The following CNGB1 variants were observed in gnomAD, a reference collection of about 807,000 sequenced individuals.
The protein encoded by CNGB1 is cyclic nucleotide gated channel subunit beta 1, also known as cyclic nucleotide-gated channel beta-1.
In CNGB1, 126 loss-of-function variants were observed where a neutral mutation model predicts 151.7. The observed-to-expected ratio is 0.83, with a 90% CI of 0.72 to 0.96. CNGB1 has a LOEUF of 0.96. Ranked by LOEUF, CNGB1 falls within the 40% of genes least tolerant of loss-of-function variation. The pLI, the probability that CNGB1 is intolerant of heterozygous loss-of-function variation, is 0.00. For synonymous variants in CNGB1, 623 were observed against 635.1 expected, an observed-to-expected ratio of 0.98 and a Z score of 0.29; for missense variants, 1,698 against 1,627.0, an observed-to-expected ratio of 1.04 and a Z score of -0.75.
intron 14 of CNGB1, among the ~76,000 whole-genome samples, chr16:57,948,660 C>A (rs1342286753): frequency 1.3e-5 from 2 of 152,144 alleles, no homozygotes; most frequent in African/African-American, 4.8e-5. Context: ...TGCCCAGAAT[C>A]CCAATGTCAC....
At chr16:57,916,823 C>T (rs530626640) in intron 21 of CNGB1, among the ~76,000 whole-genome samples, 1 of 152,290 alleles carries the variant, frequency 6.6e-6, no homozygotes, top group Non-Finnish European at 1.5e-5. Flanking sequence ...TGGGAGAAGT[C>T]AATTGCCAGT....
At position 57,882,726 on chromosome 16, in the gene CNGB1, TG is replaced by T. The variant is rs1959787919; in HGVS notation, c.*1437del. 1 of 152,186 alleles carries T rather than the reference TG, an allele frequency of 6.6e-6. No homozygotes were observed. The highest frequency in any genetic ancestry group is 1.5e-5 in the Non-Finnish European group (1 of 68,038). 9.4% of individuals were successfully genotyped at this position (152,186 alleles called of 1,614,324 possible). On this transcript the variant is annotated 3_prime_UTR_variant, in exon 33 of 33. Coordinates refer to ENST00000251102, the MANE Select transcript of CNGB1 (RefSeq NM_001297.5). Reference sequence around the variant, plus strand: ...ATCACTCACTCCCCCAAGAGCCATTTGGTATGCAAATAAAATCCTCTTGATA... The same window carrying T: ...ATCACTCACTCCCCCAAGAGCCATTTGTATGCAAATAAAATCCTCTTGATA...
chr16:57,917,358 C>T lies in CNGB1; in HGVS notation c.2076G>A (p.Leu692=). 6.2e-7 allele frequency: 1 copy of T among 1,614,090 alleles called. No individual in the cohort carries two copies. Among genetic ancestry groups the T allele is most frequent in the Non-Finnish European group, 8.5e-7 (1 of 1,180,004 alleles). The change falls in exon 21 of 33, where the codon CTG becomes CTA. Residue 692 remains leucine, a synonymous_variant. Transcript: ENST00000251102. ...TGAGGTCGCATAGGTAATCCATCAG[C>T]AGCCAGTGGTGGATGTTGTCCGGGG... ...YQTPDNIHHW[L]LMDYLCDLIY...
rs943979585 is a variant in CNGB1 at position 57,954,837 on chromosome 16, C to T, written c.874+2504G>A. On this transcript the variant is annotated intron_variant, in intron 12 of 32. Transcript: ENST00000251102. ...GGTGCTGACGGTGCCAGGTACCACA[C>T]TGGGGGCTGTGCACGCGTCCTCTCA... 5.0e-6 allele frequency: 5 copies of T among 993,272 alleles called. No individual in the cohort carries two copies. The African/African-American group carries it at 7.0e-5, about 14-fold the overall frequency. 61.5% of individuals were successfully genotyped at this position (993,272 alleles called of 1,614,324 possible). A position where few individuals can be genotyped will look rare whatever the true frequency, so the allele number is the denominator to read the frequency against.
intron 1 of CNGB1, among the ~76,000 whole-genome samples, chr16:57,970,364 C>A (rs1485809055): frequency 6.6e-6 from 1 of 152,146 alleles, no homozygotes; most frequent in Non-Finnish European, 1.5e-5. Flanking sequence ...GCTCTCACCA[C>A]CACGCCCCGC....
At chr16:57,901,059 T>TG (rs11330673) in intron 29 of CNGB1, among the ~76,000 whole-genome samples, 2,159 of 150,706 alleles carry the variant, frequency 0.014, 39 homozygotes, top group African/African-American at 0.046. Flanking sequence ...AAGGTGGAGT[T>TG]GGGGGGGGGG....
intron 31 of CNGB1, among the ~76,000 whole-genome samples, chr16:57,894,741 G>A (rs1375865967): frequency 1.3e-5 from 2 of 152,172 alleles, no homozygotes; most frequent in African/African-American, 4.8e-5. Context: ...GGGAGAGTTG[G>A]GACGCTTTTC....
chr16:57,950,540 A>G lies in CNGB1; in HGVS notation c.875T>C (p.Ile292Thr). The change falls in exon 13 of 33, where the codon ATC (isoleucine) becomes ACC (threonine). Residue 292 changes from isoleucine (I) to threonine (T), a missense_variant and splice_region_variant. Ile to Thr is a moderately conservative substitution (Grantham distance 89). Coordinates refer to ENST00000251102, the MANE Select transcript of CNGB1 (RefSeq NM_001297.5). ...CACTTGTCCTCCAGGAAGGATGCTG[A>G]CTGCAGGGAACACAGGAAGAGCCAT... ...DSPGICDVQT[I>T]SILPGGQVEP... 1 of 1,614,162 alleles carries G rather than the reference A, an allele frequency of 6.2e-7. No homozygotes were observed. Among genetic ancestry groups the G allele is most frequent in the Admixed American group, 1.7e-5 (1 of 60,014 alleles).
chr16:57,898,289 A>C (rs1228324075), intron 29 of CNGB1, among the ~76,000 whole-genome samples: 1 of 152,150 alleles, frequency 6.6e-6, no homozygotes, highest in East Asian at 1.9e-4. Flanking sequence ...CCCACCATCA[A>C]ATGATGTCTA....
Position 57,912,941 on chromosome 16 carries a change from G to C in CNGB1, c.2358C>G (p.Ala786=). The change falls in exon 24 of 33, where the codon GCC becomes GCG. Residue 786 remains alanine, a synonymous_variant. Transcript: ENST00000251102. The part of the protein sequence containing the change: ...NSRLESILSK[A]YVYRVIRTTA... ...AGGGGGAGTCTCACCTGTACACGTA[G>C]GCTTTGCTGAGGATGGATTCCAGGC... 6.2e-7 allele frequency: 1 copy of C among 1,613,992 alleles called. No homozygotes were observed. Among genetic ancestry groups the C allele is most frequent in the Non-Finnish European group, 8.5e-7 (1 of 1,179,900 alleles).
At chr16:57,901,313 T>G (rs1960378625) in intron 29 of CNGB1, 39 bp downstream of exon 29, 2 of 1,599,780 alleles carry the variant, frequency 1.3e-6, no homozygotes, top group East Asian at 4.5e-5. Flanking sequence ...AGGGGGATGG[T>G]GAACCCCAGA....
intron 31 of CNGB1, among the ~76,000 whole-genome samples, chr16:57,893,735 G>C (rs1252836391): frequency 6.6e-6 from 1 of 152,102 alleles, no homozygotes; most frequent in East Asian, 1.9e-4. Context: ...GAACCCAGGA[G>C]GCAGAGGTTA....
At chr16:57,942,829 C>T (rs1961703156) in intron 14 of CNGB1, among the ~76,000 whole-genome samples, 1 of 150,838 alleles carries the variant, frequency 6.6e-6, no homozygotes, top group Admixed American at 6.6e-5. Context: ...CACCACTGTA[C>T]TCCAGCCTGG....
chr16:57,955,152 T>C (rs1297330576), intron 12 of CNGB1: 2 of 1,481,208 alleles, frequency 1.4e-6, no homozygotes, highest in Non-Finnish European at 1.8e-6. Context: ...TGGGAGGCTC[T>C]GGGGCTGGTG....
At chr16:57,911,384 G>A (rs1261844372) in intron 25 of CNGB1, among the ~76,000 whole-genome samples, 1 of 152,188 alleles carries the variant, frequency 6.6e-6, no homozygotes. Context: ...CGCCTCCTGG[G>A]TTCAAGAGAT....
At chr16:57,917,537 G>A (rs1190694170) in intron 20 of CNGB1, 61 bp from the exon 21 acceptor site, 1 of 1,544,438 alleles carries the variant, frequency 6.5e-7, no homozygotes. Flanking sequence ...TCACCAGTTG[G>A]ATCAGGTAGG....
At chr16:57,970,520 A>G (rs1051783598) in intron 1 of CNGB1, among the ~76,000 whole-genome samples, 5 of 152,202 alleles carry the variant, frequency 3.3e-5, no homozygotes, top group Non-Finnish European at 7.3e-5. Context: ...ATGTATTCCC[A>G]GGTAGTCGTG....
chr16:57,969,518 T>A (rs1317777279), intron 1 of CNGB1, among the ~76,000 whole-genome samples: 1 of 151,880 alleles, frequency 6.6e-6, no homozygotes, highest in East Asian at 1.9e-4. Flanking sequence ...CTCGGGAGGC[T>A]GAGGCACGAG....
At chr16:57,904,607 T>C (rs1960489192) in intron 26 of CNGB1, 127 bp downstream of exon 26, 2 of 1,340,426 alleles carry the variant, frequency 1.5e-6, no homozygotes, top group Non-Finnish European at 2.1e-6. Context: ...GGCTCCTGAC[T>C]CTCAGTCTAG....
Sources: allele counts gnomAD v4.1 joint callset (sites outside exome capture counted in the v4.1 genomes callset), GRCh38; gene constraint gnomAD v4.1.1; transcripts MANE v1.5; gene names NCBI Gene and HGNC (gene_info 2026-07-23, HGNC 2026-07-21).